Variants in ROBO1 observed in about 807,000 individuals in gnomAD.
ROBO1 encodes the protein roundabout guidance receptor 1, also known as roundabout homolog 1.
Under a neutral mutation model 195.9 loss-of-function variants are expected in ROBO1, and 149 were observed. That is an observed-to-expected ratio of 0.76 (90% CI 0.67 to 0.87). The LOEUF is 0.87. Ranked by LOEUF, ROBO1 falls within the 40% of genes least tolerant of loss-of-function variation. The pLI is 0.00. For synonymous variants in ROBO1, 816 were observed against 733.2 expected (o/e 1.11, Z -1.82); for missense variants, 1,933 against 2,068.3 (o/e 0.93, Z 1.27).
At chr3:79,393,285 G>T (rs557133016) in intron 2 of ROBO1, among the ~76,000 whole-genome samples, 3 of 152,260 alleles carry the variant, frequency 2.0e-5, no homozygotes, top group East Asian at 1.9e-4. Flanking sequence ...ATTAATTTTA[G>T]CAATCTCCTA....
chr3:78,909,436 G>T (rs1430069355), intron 4 of ROBO1, among the ~76,000 whole-genome samples: 1 of 151,918 alleles, frequency 6.6e-6, no homozygotes, highest in South Asian at 2.1e-4. Context: ...AATAGCATGA[G>T]AGTCTTGCCC....
chr3:79,518,290 T>A (rs1188383042), intron 2 of ROBO1, among the ~76,000 whole-genome samples: 2 of 151,496 alleles, frequency 1.3e-5, no homozygotes, highest in Non-Finnish European at 2.9e-5. Context: ...GGGTAAGGCA[T>A]GTTAAGAAGA....
chr3:79,731,427 G>A (rs1161345322), intron 1 of ROBO1, among the ~76,000 whole-genome samples: 1 of 151,908 alleles, frequency 6.6e-6, no homozygotes, highest in Non-Finnish European at 1.5e-5. Flanking sequence ...ATGGGGCCTG[G>A]GTATTTAAAT....
chr3:79,142,313 C>A (rs2080544759), intron 2 of ROBO1, among the ~76,000 whole-genome samples: 1 of 152,006 alleles, frequency 6.6e-6, no homozygotes, highest in Non-Finnish European at 1.5e-5. Flanking sequence ...CTGAAGAAGT[C>A]TATTAATTAC....
chr3:79,291,107 T>A (rs2032218848), intron 2 of ROBO1, among the ~76,000 whole-genome samples: 1 of 152,186 alleles, frequency 6.6e-6, no homozygotes, highest in Non-Finnish European at 1.5e-5. Context: ...GGTTTGTTAT[T>A]CCATATTGAT....
At chr3:79,063,586 G>T (rs1442062245) in intron 3 of ROBO1, among the ~76,000 whole-genome samples, 1 of 149,920 alleles carries the variant, frequency 6.7e-6, no homozygotes, top group East Asian at 2.0e-4. Flanking sequence ...GTAAATTTCA[G>T]TCCTCATTTT....
At chr3:79,364,227 T>TGG (rs1491266035) in intron 2 of ROBO1, among the ~76,000 whole-genome samples, 2 of 84,148 alleles carry the variant, frequency 2.4e-5, no homozygotes, top group Admixed American at 9.8e-5. Flanking sequence ...ACTATATAAA[T>TGG]GTGTGTGTGT....
In ROBO1 at chr3:79,414,266, G is replaced by A. The variant is rs146379053; in HGVS notation, c.88+175558C>T. On this transcript the variant is annotated intron_variant, in intron 2 of 30. Transcript: ENST00000464233. ...TCTTTCTCTGTGTGTGTATGTGTGC[G>A]TGTGTCTTCAACAGTAGGTATACAG... is the stretch of plus-strand genomic sequence containing the variant. 7.9e-5 allele frequency among the ~76,000 whole-genome samples: 12 copies of A among 151,450 alleles called. No homozygotes were observed. The East Asian group carries it at 1.6e-3, about 20-fold the overall frequency.
At chr3:78,864,696 G>A (rs924940956) in intron 4 of ROBO1, among the ~76,000 whole-genome samples, 1 of 151,212 alleles carries the variant, frequency 6.6e-6, no homozygotes, top group South Asian at 2.1e-4. Context: ...ATGCATGTAT[G>A]TATATATACA....
intron 2 of ROBO1, among the ~76,000 whole-genome samples, chr3:79,505,531 G>A (rs1940344056): frequency 6.6e-6 from 1 of 151,470 alleles, no homozygotes; most frequent in Non-Finnish European, 1.5e-5. Flanking sequence ...TGCTGAGAGA[G>A]AAGAAGAGAG....
At chr3:78,887,898 G>A (rs559948658) in intron 4 of ROBO1, among the ~76,000 whole-genome samples, 52 of 151,884 alleles carry the variant, frequency 3.4e-4, no homozygotes, top group Non-Finnish European at 6.5e-4. Context: ...GCATCACCAA[G>A]TATGATACTC....
chr3:78,692,133 C>G (rs548106437), intron 8 of ROBO1, among the ~76,000 whole-genome samples: 18 of 151,910 alleles, frequency 1.2e-4, no homozygotes, highest in Admixed American at 1.0e-3. Flanking sequence ...ATTTCATTCT[C>G]TACATGTATT....
intron 5 of ROBO1, among the ~76,000 whole-genome samples, chr3:78,727,095 T>C (rs2082179325): frequency 6.6e-6 from 1 of 152,136 alleles, no homozygotes; most frequent in South Asian, 2.1e-4. Flanking sequence ...AATCATGCTT[T>C]ATTGCCTTCT....
At chr3:78,805,565 GAAAAT>G (rs1438058371) in intron 4 of ROBO1, among the ~76,000 whole-genome samples, 2 of 151,844 alleles carry the variant, frequency 1.3e-5, no homozygotes, top group Non-Finnish European at 2.9e-5. Flanking sequence ...TTTAGAGTTT[GAAAAT>G]AAAATAATTT....
At chr3:78,738,258 C>A (rs2082439601) in intron 5 of ROBO1, among the ~76,000 whole-genome samples, 1 of 151,978 alleles carries the variant, frequency 6.6e-6, no homozygotes, top group Non-Finnish European at 1.5e-5. Context: ...AAATATCACA[C>A]CAACAATGGA....
At chr3:79,450,199 T>A (rs1302579093) in intron 2 of ROBO1, among the ~76,000 whole-genome samples, 1 of 151,836 alleles carries the variant, frequency 6.6e-6, no homozygotes, top group East Asian at 1.9e-4. Flanking sequence ...TAAATCTAAT[T>A]TTACAGACTT....
At chr3:79,478,716 C>CT (rs2107363828) in intron 2 of ROBO1, among the ~76,000 whole-genome samples, 1 of 152,230 alleles carries the variant, frequency 6.6e-6, no homozygotes, top group African/African-American at 2.4e-5. Context: ...ATGAAGCCTT[C>CT]TTCATTACTG....
intron 4 of ROBO1, among the ~76,000 whole-genome samples, chr3:78,810,613 C>A (rs566901036): frequency 6.6e-6 from 1 of 152,026 alleles, no homozygotes; most frequent in South Asian, 2.1e-4. Context: ...TGACTTCTAA[C>A]CCTGCTTATA....
At chr3:79,455,873 T>A (rs960286852) in intron 2 of ROBO1, among the ~76,000 whole-genome samples, 1 of 152,074 alleles carries the variant, frequency 6.6e-6, no homozygotes, top group Non-Finnish European at 1.5e-5. Flanking sequence ...AACATGACAC[T>A]CTGTAAAATA....
Sources: gnomAD v4.1 joint callset for allele counts (sites outside exome capture counted in the v4.1 genomes callset) on GRCh38, gnomAD v4.1.1 for gene constraint, MANE v1.5 for transcripts, NCBI Gene and HGNC (gene_info 2026-07-23, HGNC 2026-07-21) for gene names.